Variants in GRIA4 observed in about 807,000 individuals in gnomAD.
The protein encoded by GRIA4 is glutamate ionotropic receptor AMPA type subunit 4.
In GRIA4, 34 loss-of-function variants were observed where a neutral mutation model predicts 104.0. That is an observed-to-expected ratio of 0.33 (90% CI 0.25 to 0.44). GRIA4 has a LOEUF of 0.44. Ranked by LOEUF, GRIA4 falls within the 20% of genes least tolerant of loss-of-function variation. The probability of loss-of-function intolerance (pLI) is 1.00; values close to 1 mark genes in which losing one functional copy is unlikely to be tolerated. For synonymous variants in GRIA4, 386 were observed against 381.9 expected, an observed-to-expected ratio of 1.01 and a Z score of -0.13; for missense variants, 750 against 1,096.5, an observed-to-expected ratio of 0.68 and a Z score of 4.46.
intron 4 of GRIA4, among the ~76,000 whole-genome samples, chr11:105,760,377 A>G (rs11820104): frequency 0.019 from 2,848 of 152,004 alleles, 83 homozygotes; most frequent in African/African-American, 0.065. Flanking sequence ...ACATCAACCA[A>G]CTTTTCTCCT....
intron 3 of GRIA4, among the ~76,000 whole-genome samples, chr11:105,618,287 A>G (rs1950651323): frequency 6.6e-6 from 1 of 152,068 alleles, no homozygotes; most frequent in African/African-American, 2.4e-5. Context: ...TGTTTTATAA[A>G]GAACAGGCTA....
intron 12 of GRIA4, among the ~76,000 whole-genome samples, chr11:105,926,038 G>A (rs1947694186): frequency 6.6e-6 from 1 of 151,978 alleles, no homozygotes. Flanking sequence ...AATCGTATAT[G>A]AGTGTGTAAA....
In GRIA4 at chr11:105,719,090, C is replaced by T. The variant is rs1954206107; in HGVS notation, c.248-33891C>T. Among the ~76,000 whole-genome samples, 4 of 152,214 alleles carry T rather than the reference C, an allele frequency of 2.6e-5. No individual in the cohort carries two copies. The South Asian group carries it at 8.3e-4, about 32-fold the overall frequency. On this transcript the variant is annotated intron_variant, in intron 3 of 16. Coordinates refer to ENST00000282499, the MANE Select transcript of GRIA4 (RefSeq NM_000829.4). Reference sequence around the variant, plus strand: ...GGTGACTGCTGACATTTTAACTATACAGTGTTGATTTCTAGAATGGACAAT... The same window carrying T: ...GGTGACTGCTGACATTTTAACTATATAGTGTTGATTTCTAGAATGGACAAT...
chr11:105,668,429 G>C (rs916220298), intron 3 of GRIA4, among the ~76,000 whole-genome samples: 12 of 150,386 alleles, frequency 8.0e-5, no homozygotes, highest in Non-Finnish European at 1.8e-4. Context: ...TTCATGTCTT[G>C]GATATTGTGA....
intron 4 of GRIA4, among the ~76,000 whole-genome samples, chr11:105,785,135 G>C (rs1941903037): frequency 1.3e-5 from 2 of 152,050 alleles, no homozygotes; most frequent in South Asian, 4.1e-4. Flanking sequence ...CACAACCTAG[G>C]TTCTTGCTGG....
chr11:105,887,842 T>G (rs1329178652), intron 6 of GRIA4, among the ~76,000 whole-genome samples: 2 of 152,208 alleles, frequency 1.3e-5, no homozygotes, highest in Non-Finnish European at 2.9e-5. Context: ...TTAAATAATT[T>G]TCTCTGTCTA....
chr11:105,886,391 T>C (rs553565875), intron 5 of GRIA4, among the ~76,000 whole-genome samples: 13 of 152,216 alleles, frequency 8.5e-5, no homozygotes, highest in Middle Eastern at 3.4e-3. Flanking sequence ...TAAGTTATTA[T>C]TGACTATAGT....
chr11:105,863,893 G>A (rs1164044526), intron 5 of GRIA4, among the ~76,000 whole-genome samples: 1 of 152,164 alleles, frequency 6.6e-6, no homozygotes, highest in African/African-American at 2.4e-5. Flanking sequence ...GCACACCTGG[G>A]TGCTTTGGAT....
intron 7 of GRIA4, among the ~76,000 whole-genome samples, chr11:105,902,654 T>C (rs1021634691): frequency 5.9e-5 from 9 of 152,140 alleles, no homozygotes; most frequent in African/African-American, 1.9e-4. Context: ...CTTTCTACAA[T>C]TGGAATTTCA....
At chr11:105,660,026 G>A (rs1428150291) in intron 3 of GRIA4, among the ~76,000 whole-genome samples, 1 of 151,624 alleles carries the variant, frequency 6.6e-6, no homozygotes, top group Non-Finnish European at 1.5e-5. Flanking sequence ...GCTTCCAAAA[G>A]TAGAACTGCA....
intron 5 of GRIA4, among the ~76,000 whole-genome samples, chr11:105,870,461 A>G (rs773085062): frequency 6.6e-5 from 10 of 151,916 alleles, no homozygotes; most frequent in Non-Finnish European, 8.8e-5. Context: ...AGTTACATCA[A>G]TTTTAGTCGA....
At chr11:105,851,583 A>C (rs528374256) in intron 4 of GRIA4, among the ~76,000 whole-genome samples, 40 of 152,320 alleles carry the variant, frequency 2.6e-4, no homozygotes, top group Admixed American at 4.6e-4. Context: ...CTGAGACTTA[A>C]AGAAAGATTA....
intron 7 of GRIA4, among the ~76,000 whole-genome samples, chr11:105,899,456 A>G (rs909526148): frequency 2.0e-5 from 3 of 152,198 alleles, no homozygotes; most frequent in African/African-American, 4.8e-5. Flanking sequence ...AATTATTTTA[A>G]TGTCTCCTAT....
chr11:105,756,113 G>A (rs1940295733), intron 4 of GRIA4, among the ~76,000 whole-genome samples: 1 of 152,086 alleles, frequency 6.6e-6, no homozygotes, highest in South Asian at 2.1e-4. Flanking sequence ...AGACTAATAA[G>A]ATGCCTAAAA....
Position 105,822,080 on chromosome 11 carries a change from T to C in GRIA4, c.488-39944T>C, listed in dbSNP as rs1386907146. Among the ~76,000 whole-genome samples the C allele has an allele frequency of 2.0e-5, 3 of 152,150 alleles. No individual in the cohort carries two copies. In the East Asian group the frequency reaches 5.8e-4, roughly 29 times the overall value. ...ATAAGTGTAACTGAAATGCTTAGCT[T>C]TAAGCCAGGCTGTGCCTTTGTAGAC... is the stretch of plus-strand genomic sequence containing the variant. On this transcript the variant is annotated intron_variant, in intron 4 of 16. Coordinates refer to ENST00000282499, the MANE Select transcript of GRIA4 (RefSeq NM_000829.4).
At chr11:105,847,103 T>G (rs1167397982) in intron 4 of GRIA4, among the ~76,000 whole-genome samples, 1 of 152,058 alleles carries the variant, frequency 6.6e-6, no homozygotes, top group African/African-American at 2.4e-5. Context: ...ACAATCTTTT[T>G]GGCACCGGGG....
chr11:105,621,372 T>C (rs960741232), intron 3 of GRIA4, among the ~76,000 whole-genome samples: 3 of 151,532 alleles, frequency 2.0e-5, no homozygotes, highest in South Asian at 2.1e-4. Context: ...TTGCTAGGGA[T>C]CTTTCCAGAC....
At chr11:105,662,304 A>G (rs984112420) in intron 3 of GRIA4, among the ~76,000 whole-genome samples, 11 of 151,898 alleles carry the variant, frequency 7.2e-5, no homozygotes, top group Non-Finnish European at 1.2e-4. Flanking sequence ...TCTAACTGGC[A>G]AAACTGGAAG....
At chr11:105,683,285 A>C (rs1952768607) in intron 3 of GRIA4, among the ~76,000 whole-genome samples, 1 of 151,604 alleles carries the variant, frequency 6.6e-6, no homozygotes, top group East Asian at 1.9e-4. Flanking sequence ...TTTAGATTAT[A>C]TTATATTAAT....
Sources: gnomAD v4.1 joint callset for allele counts (sites outside exome capture counted in the v4.1 genomes callset) on GRCh38, gnomAD v4.1.1 for gene constraint, MANE v1.5 for transcripts, NCBI Gene and HGNC (gene_info 2026-07-23, HGNC 2026-07-21) for gene names.